KHDC4: variants seen among roughly 807,000 people sequenced by gnomAD.
The protein encoded by KHDC4 is KH domain containing 4, pre-mRNA splicing factor.
KHDC4 carries 19 observed loss-of-function variants against 74.5 expected under a neutral mutation model. The observed-to-expected ratio is 0.26, with a 90% CI of 0.18 to 0.37. The LOEUF is 0.37. Ranked by LOEUF, KHDC4 falls within the 10% of genes least tolerant of loss-of-function variation. KHDC4 has a pLI of 1.00. For synonymous variants in KHDC4, 253 were observed against 266.1 expected (o/e 0.95, Z 0.48); for missense variants, 632 against 754.1 (o/e 0.84, Z 1.90).
chr1:155,914,235 T>C lies in KHDC4; in HGVS notation c.1731A>G (p.Glu577=), dbSNP rs1257804815. Residue 577 remains glutamate (E), a synonymous_variant, in exon 14 of 14, where the codon GAA becomes GAG. Coordinates refer to ENST00000368321, the MANE Select transcript of KHDC4 (RefSeq NM_014949.4). The part of the protein sequence containing the change: ...YAADSSDEEE[E]HGGHKNASSF... The stretch of plus-strand genomic sequence containing the variant: ...TACTTGCATTTTTATGACCTCCATG[T>C]TCCTCCTCTTCATCAGATGAATCTG... The C allele has an allele frequency of 6.2e-7, 1 of 1,614,050 alleles. No individual in the cohort carries two copies. Among genetic ancestry groups the C allele is most frequent in the Admixed American group, 1.7e-5 (1 of 60,008 alleles).
chr1:155,929,322 A>C lies in KHDC4; in HGVS notation c.438T>G (p.Thr146=). The change falls in exon 4 of 14, where the codon ACT becomes ACG. Residue 146 remains threonine (T), a synonymous_variant. Transcript: ENST00000368321. ...CTGGTCCCACTTTGGCTTTTTCCTCAGTTGTCATGAACCTCCCTCGAGTTG... is the reference window on the plus strand; with the variant it reads ...CTGGTCCCACTTTGGCTTTTTCCTCCGTTGTCATGAACCTCCCTCGAGTTG... ...AVSTRGRFMT[T]EEKAKVGPGD... The C allele has an allele frequency of 6.2e-7, 1 of 1,613,970 alleles. No individual in the cohort carries two copies.
intron 11 of KHDC4, chr1:155,917,076 G>C (rs1365547351): frequency 4.1e-6 from 1 of 241,216 alleles, no homozygotes; most frequent in Non-Finnish European, 8.0e-6. Context: ...AAAATGGAAA[G>C]GTACTTCTGA....
At chr1:155,924,927 A>C (rs893706651) in intron 7 of KHDC4, among the ~76,000 whole-genome samples, 2 of 151,728 alleles carry the variant, frequency 1.3e-5, no homozygotes, top group African/African-American at 4.8e-5. Flanking sequence ...GCAGTGGTGC[A>C]AACACAGCTA....
In KHDC4 at chr1:155,919,122, C is replaced by T. The variant is rs528278605; in HGVS notation, c.1267-1450G>A. Among the ~76,000 whole-genome samples, 207 of 151,982 alleles carry T rather than the reference C, an allele frequency of 1.4e-3. 1 individual carries two copies. The highest frequency in any genetic ancestry group is 4.5e-3 in the African/African-American group (188 of 41,490). ...AGCTGGGATTACAGATGCCTGCCACCGCGCCCAGCTAATTTTTGTATTTTT... is the reference window on the plus strand; with the variant it reads ...AGCTGGGATTACAGATGCCTGCCACTGCGCCCAGCTAATTTTTGTATTTTT... On this transcript the variant is annotated intron_variant, in intron 10 of 13. Coordinates refer to ENST00000368321, the MANE Select transcript of KHDC4 (RefSeq NM_014949.4).
intron 13 of KHDC4, 124 bp downstream of exon 13, chr1:155,915,749 T>G (rs1419101705): frequency 1.4e-5 from 8 of 592,438 alleles, no homozygotes; most frequent in Non-Finnish European, 2.1e-5. Context: ...TTAGGTGATC[T>G]GCCCACCTCG....
Position 155,925,960 on chromosome 1 carries a change from G to A in KHDC4, c.682-117C>T, listed in dbSNP as rs777498008. ...CAGTCTCCTGTAAAACTGGGGTAGA[G>A]TGTTGGGTAGTACAGTCAGCCCTGT... On this transcript the variant is annotated intron_variant, in intron 6 of 13. Coordinates refer to ENST00000368321, the MANE Select transcript of KHDC4 (RefSeq NM_014949.4). 4 of 886,636 alleles carry A rather than the reference G, an allele frequency of 4.5e-6. No homozygotes were observed. In the South Asian group the frequency reaches 5.3e-5, roughly 12 times the overall value. The allele number at this position is 886,636 out of a possible 1,614,324, so 54.9% of individuals were successfully genotyped here. A position where few individuals can be genotyped will look rare whatever the true frequency, so the allele number is the denominator to read the frequency against.
chr1:155,933,825 T>C lies in KHDC4; in HGVS notation c.63A>G (p.Pro21=). ...GGAGGAAGAGAAGTGGGGCTGGAGCTGGTTGGTCCCATTTGCTGCGGCGCC... is the reference window on the plus strand; with the variant it reads ...GGAGGAAGAGAAGTGGGGCTGGAGCCGGTTGGTCCCATTTGCTGCGGCGCC... ...AGGRRSKWDQ[P]APAPLLFLPP... Residue 21 remains proline, a synonymous_variant, in exon 2 of 14, where the codon CCA becomes CCG. Transcript: ENST00000368321. 2 of 1,573,526 alleles carry C rather than the reference T, an allele frequency of 1.3e-6. No homozygotes were observed. Among genetic ancestry groups the C allele is most frequent in the Non-Finnish European group, 1.7e-6 (2 of 1,157,516 alleles).
At position 155,913,920 on chromosome 1, in the gene KHDC4, T is replaced by C; in HGVS notation, c.*201A>G. On this transcript the variant is annotated 3_prime_UTR_variant, in exon 14 of 14. Coordinates refer to ENST00000368321, the MANE Select transcript of KHDC4 (RefSeq NM_014949.4). ...GATAAATTTGTGATTCTAATTAAAT[T>C]TTAACAGATTCTATGCCACTGCAGA... 3.5e-6 allele frequency: 2 copies of C among 566,200 alleles called. No individual in the cohort carries two copies. Among genetic ancestry groups the C allele is most frequent in the East Asian group, 5.8e-5 (2 of 34,720 alleles). The allele number at this position is 566,200 out of a possible 1,614,324, so 35.1% of individuals were successfully genotyped here. A position where few individuals can be genotyped will look rare whatever the true frequency, so the allele number is the denominator to read the frequency against.
intron 7 of KHDC4, among the ~76,000 whole-genome samples, 167 bp from the exon 8 acceptor site, chr1:155,923,854 T>A (rs1673921979): frequency 6.6e-6 from 1 of 152,242 alleles, no homozygotes; most frequent in Non-Finnish European, 1.5e-5. Flanking sequence ...ATAAGTCTTT[T>A]AAGATATAAC....
chr1:155,915,473 A>C (rs1331678812), intron 13 of KHDC4: 2 of 167,088 alleles, frequency 1.2e-5, no homozygotes, highest in Non-Finnish European at 2.5e-5. Context: ...AAACACCTGA[A>C]TGAACATCAG....
In KHDC4 at chr1:155,914,177, A is replaced by G; in HGVS notation, c.1789T>C (p.Tyr597His). 1 of 1,614,174 alleles carries G rather than the reference A, an allele frequency of 6.2e-7. No individual in the cohort carries two copies. Among genetic ancestry groups the G allele is most frequent in the Non-Finnish European group, 8.5e-7 (1 of 1,180,032 alleles). The part of the protein sequence containing the change: ...FPQGWSLGYQ[Y>H]PSSQPRAKQQ... The stretch of plus-strand genomic sequence containing the variant: ...TTAGCTCGTGGTTGTGATGAAGGAT[A>G]TTGGTATCCCAAACTCCAGCCCTGT... The change falls in exon 14 of 14, where the codon TAT becomes CAT. Residue 597 changes from tyrosine to histidine, a missense_variant. Tyr to His is a moderately conservative substitution (Grantham distance 83, BLOSUM62 2). This residue lies in a region of KHDC4 where 41 missense variants were observed against 66.0 expected (regional missense o/e 0.62). Transcript: ENST00000368321.
At position 155,917,596 on chromosome 1, in the gene KHDC4, T is replaced by C; in HGVS notation, c.1343A>G (p.Gln448Arg). 3.0e-5 allele frequency: 9 copies of C among 301,590 alleles called. No homozygotes were observed. In the East Asian group the frequency reaches 9.4e-4, roughly 31 times the overall value. The allele number at this position is 301,590 out of a possible 1,614,324, so 18.7% of individuals were successfully genotyped here. ...CTGACTTGGGAGTGGGGGCTGGGGC[T>C]GGGGCTGGGGCTGGGGGCCAGCAGG... Reference protein sequence around the residue: ...ALPAGPQPQPQPQPPLPSQPQ... With the variant: ...ALPAGPQPQPRPQPPLPSQPQ... The change falls in exon 11 of 14, where the codon CAG becomes CGG. Residue 448 changes from glutamine to arginine, a missense_variant. Physicochemically the swap from Gln to Arg is conservative, Grantham distance 43. This residue lies in a region of KHDC4 where 254 missense variants were observed against 267.4 expected (regional missense o/e 0.95). Coordinates refer to ENST00000368321, the MANE Select transcript of KHDC4 (RefSeq NM_014949.4).
At chr1:155,932,518 AAAGATT>A (rs1674162168) in intron 2 of KHDC4, 1 of 152,256 alleles carries the variant, frequency 6.6e-6, no homozygotes, top group Admixed American at 6.5e-5. Context: ...TCAACTACCT[AAAGATT>A]ATTATTTTAA....
At chr1:155,928,292 T>C (rs886608661) in intron 4 of KHDC4, among the ~76,000 whole-genome samples, 2 of 151,912 alleles carry the variant, frequency 1.3e-5, no homozygotes, top group African/African-American at 4.8e-5. Flanking sequence ...GAGAATTGCT[T>C]GAACCCAGGA....
rs757014092 is a variant in KHDC4 at position 155,915,880 on chromosome 1, C to T, written c.1638G>A (p.Gly546=). 6.3e-7 allele frequency: 1 copy of T among 1,593,474 alleles called. No individual in the cohort carries two copies. The highest frequency in any genetic ancestry group is 1.1e-5 in the South Asian group (1 of 88,806). The change falls in exon 13 of 14, where the codon GGG becomes GGA. Residue 546 remains glycine (G), a synonymous_variant. Transcript: ENST00000368321. ...DERNGSGTLT[G]SHDYPAKKMK... Reference sequence around the variant, plus strand: ...CAGCTATATCACACTCACCATGGCTCCCTGTTAAGGTCCCAGACCCATTCC... The same window carrying T: ...CAGCTATATCACACTCACCATGGCTTCCTGTTAAGGTCCCAGACCCATTCC...
chr1:155,929,983 GC>G (rs1674107588), intron 2 of KHDC4, 143 bp from the exon 3 acceptor site: 1 of 381,904 alleles, frequency 2.6e-6, no homozygotes, highest in Non-Finnish European at 4.2e-6. Flanking sequence ...CGTGATCTCA[GC>G]TCACTGCAAC....
chr1:155,925,029 A>AT (rs34219961), intron 7 of KHDC4, among the ~76,000 whole-genome samples: 111,268 of 138,024 alleles, frequency 0.81, 46,562 homozygotes, highest in East Asian at 0.93. Context: ...CACCTGGCTA[A>AT]TTTTTTTTTT....
At chr1:155,918,105 T>G (rs151125985) in intron 10 of KHDC4, among the ~76,000 whole-genome samples, 47 of 152,334 alleles carry the variant, frequency 3.1e-4, no homozygotes, top group African/African-American at 1.1e-3. Flanking sequence ...TTAAGTCTAA[T>G]GTTTGAAGAT....
chr1:155,916,410 A>T (rs1673731333), intron 12 of KHDC4, among the ~76,000 whole-genome samples: 1 of 152,228 alleles, frequency 6.6e-6, no homozygotes, highest in South Asian at 2.1e-4. Flanking sequence ...TGAACAAGTA[A>T]TAAATTATTC....
Sources: gnomAD v4.1 joint callset for allele counts (sites outside exome capture counted in the v4.1 genomes callset) on GRCh38, gnomAD v4.1.1 for gene constraint, gnomAD v4.1.1 regional missense constraint, MANE v1.5 for transcripts, NCBI Gene and HGNC (gene_info 2026-07-23, HGNC 2026-07-21) for gene names.